The following PIK3C3 variants were observed in gnomAD, a reference collection of about 807,000 sequenced individuals.
PIK3C3 encodes phosphatidylinositol 3-kinase catalytic subunit type 3, also known as PI3-kinase type 3.
In PIK3C3, 95 loss-of-function variants were observed where a neutral mutation model predicts 126.1. The ratio of observed to expected loss-of-function variants is 0.75; its 90% CI spans 0.64 to 0.89. The LOEUF (loss-of-function observed/expected upper bound fraction) is 0.89. Among genes scored for constraint, PIK3C3 ranks in the 40% least tolerant of loss-of-function variants. The pLI, the probability that PIK3C3 is intolerant of heterozygous loss-of-function variation, is 0.00. For missense variants in PIK3C3, 829 were observed against 1,063.2 expected, an observed-to-expected ratio of 0.78 and a Z score of 3.06; for synonymous variants, 374 against 360.0, an observed-to-expected ratio of 1.04 and a Z score of -0.44.
Position 42,002,855 on chromosome 18 carries a change from A to G in PIK3C3, c.985-1501A>G, listed in dbSNP as rs1293028399. Among the ~76,000 whole-genome samples the G allele has an allele frequency of 2.6e-5, 4 of 152,342 alleles. No homozygotes were observed. The East Asian group carries it at 7.7e-4, about 29-fold the overall frequency. On this transcript the variant is annotated intron_variant, in intron 9 of 24. Coordinates refer to ENST00000262039, the MANE Select transcript of PIK3C3 (RefSeq NM_002647.4). ...TGAGAATCAGGCTGAAGACAAATAT[A>G]GGAGATATTGCTAGGAAATAATTGA...
At chr18:42,069,134 G>A (rs1985670354) in intron 24 of PIK3C3, among the ~76,000 whole-genome samples, 1 of 151,974 alleles carries the variant, frequency 6.6e-6, no homozygotes, top group Admixed American at 6.6e-5. Flanking sequence ...TCTTTTTCTA[G>A]CTCAATAAAA....
At chr18:42,053,674 C>G (rs554278213) in intron 21 of PIK3C3, among the ~76,000 whole-genome samples, 21 of 152,132 alleles carry the variant, frequency 1.4e-4, no homozygotes, top group Non-Finnish European at 2.2e-4. Flanking sequence ...TGACAGGATT[C>G]AAATGAAACA....
intron 24 of PIK3C3, 133 bp from the exon 25 acceptor site, chr18:42,080,990 T>A: frequency 1.7e-6 from 1 of 577,832 alleles, no homozygotes; most frequent in Non-Finnish European, 3.1e-6. Flanking sequence ...GCAATCCTCT[T>A]GGTAGCATTT....
intron 4 of PIK3C3, chr18:41,984,846 T>C (rs1182297319): frequency 2.0e-5 from 3 of 152,204 alleles, no homozygotes; most frequent in Non-Finnish European, 2.9e-5. Flanking sequence ...CACATTATAT[T>C]ACCTTGTGAC....
chr18:42,054,153 TATATATATATA>T (rs1984941121), intron 21 of PIK3C3, among the ~76,000 whole-genome samples: 1 of 31,388 alleles, frequency 3.2e-5, no homozygotes, highest in Non-Finnish European at 6.1e-5. Flanking sequence ...TATATATATA[TATATATATATA>T]TATATATATA....
intron 24 of PIK3C3, among the ~76,000 whole-genome samples, chr18:42,076,243 A>G (rs1051601689): frequency 1.1e-4 from 16 of 147,828 alleles, no homozygotes; most frequent in Non-Finnish European, 1.9e-4. Flanking sequence ...TTACATATTC[A>G]TACACATACA....
intron 12 of PIK3C3, among the ~76,000 whole-genome samples, chr18:42,019,739 T>C (rs931277011): frequency 1.3e-5 from 2 of 152,154 alleles, no homozygotes; most frequent in African/African-American, 4.8e-5. Flanking sequence ...GATTCATCTA[T>C]TCAAACATGT....
At chr18:41,989,914 A>G (rs558050193) in intron 5 of PIK3C3, among the ~76,000 whole-genome samples, 115 of 152,188 alleles carry the variant, frequency 7.6e-4, no homozygotes, top group Non-Finnish European at 1.4e-3. Context: ...AGTGTGGATA[A>G]AAATTTACAA....
At chr18:41,970,494 C>CTGAT (rs1197537629) in intron 4 of PIK3C3, 38 bp downstream of exon 4, 3 of 1,591,796 alleles carry the variant, frequency 1.9e-6, no homozygotes, top group Non-Finnish European at 2.6e-6. Flanking sequence ...AAAGCTCTGA[C>CTGAT]TGATGTCTAT....
chr18:42,037,613 C>A (rs1984113557), intron 16 of PIK3C3, 79 bp from the exon 17 acceptor site: 1 of 1,278,752 alleles, frequency 7.8e-7, no homozygotes, highest in Non-Finnish European at 1.1e-6. Context: ...TCTTATATAT[C>A]AACATTTTCT....
chr18:42,016,444 A>G (rs1198589283), intron 12 of PIK3C3, among the ~76,000 whole-genome samples: 3 of 152,098 alleles, frequency 2.0e-5, no homozygotes, highest in East Asian at 3.9e-4. Flanking sequence ...TCATTCACAT[A>G]TATTTTTTGA....
intron 22 of PIK3C3, among the ~76,000 whole-genome samples, chr18:42,061,172 T>G (rs1207543815): frequency 1.3e-5 from 2 of 152,202 alleles, no homozygotes; most frequent in African/African-American, 4.8e-5. Flanking sequence ...GCAACCTGCT[T>G]CTTTCTAAAA....
At chr18:41,955,996 C>T (rs563512172) in intron 1 of PIK3C3, among the ~76,000 whole-genome samples, 32 of 151,754 alleles carry the variant, frequency 2.1e-4, no homozygotes, top group African/African-American at 7.2e-4. Flanking sequence ...AGGTCAAGGG[C>T]GTGATATCTT....
intron 24 of PIK3C3, among the ~76,000 whole-genome samples, chr18:42,068,996 C>G (rs1322101705): frequency 6.7e-6 from 1 of 149,926 alleles, no homozygotes; most frequent in East Asian, 2.0e-4. Flanking sequence ...TCCGTTATAA[C>G]TCTTCAAATA....
At chr18:42,001,245 G>T (rs1036855243) in intron 9 of PIK3C3, among the ~76,000 whole-genome samples, 1 of 152,034 alleles carries the variant, frequency 6.6e-6, no homozygotes, top group Non-Finnish European at 1.5e-5. Context: ...TTTACTATAG[G>T]ATACTGTTAC....
chr18:41,992,166 G>A (rs1232809775), intron 6 of PIK3C3, among the ~76,000 whole-genome samples: 2 of 152,072 alleles, frequency 1.3e-5, no homozygotes, highest in Non-Finnish European at 2.9e-5. Context: ...ATTAATGCCT[G>A]TCTACCCACC....
chr18:42,051,783 A>G (rs1366627723), intron 21 of PIK3C3, among the ~76,000 whole-genome samples: 3 of 152,046 alleles, frequency 2.0e-5, no homozygotes, highest in Non-Finnish European at 2.9e-5. Flanking sequence ...TCTTTTAACC[A>G]CAAGAATCAA....
chr18:42,050,799 G>T (rs1054440451), intron 21 of PIK3C3: 1 of 152,182 alleles, frequency 6.6e-6, no homozygotes, highest in African/African-American at 2.4e-5. Flanking sequence ...GTCCAGGCAG[G>T]CCATTTGTCT....
In PIK3C3 at chr18:41,973,149, T is replaced by G. The variant is rs2144317378; in HGVS notation, c.531+2693T>G. Among the ~76,000 whole-genome samples the G allele has an allele frequency of 2.6e-5, 4 of 152,254 alleles. 1 individual carries two copies. The highest frequency in any genetic ancestry group is 3.4e-3 in the Middle Eastern group (1 of 294). ...CTGGGTTTCATAGTTATTATCTTACTAGGGAATAAAATTGTGATTATTAAT... is the reference window on the plus strand; with the variant it reads ...CTGGGTTTCATAGTTATTATCTTACGAGGGAATAAAATTGTGATTATTAAT... On this transcript the variant is annotated intron_variant, in intron 4 of 24. Transcript: ENST00000262039.
Sources: allele counts gnomAD v4.1 joint callset (sites outside exome capture counted in the v4.1 genomes callset), GRCh38; gene constraint gnomAD v4.1.1; transcripts MANE v1.5; gene names NCBI Gene and HGNC (gene_info 2026-07-23, HGNC 2026-07-21).